Variants in FBXW4 observed in about 807,000 individuals in gnomAD.
FBXW4 encodes the protein F-box/WD repeat-containing protein 4.
A neutral mutation model predicts 61.8 loss-of-function variants in FBXW4; 40 were observed. That is an observed-to-expected ratio of 0.65 (90% CI 0.50 to 0.84). FBXW4 has a LOEUF of 0.84. Among genes scored for constraint, FBXW4 ranks in the 40% least tolerant of loss-of-function variants. The pLI is 0.00. For synonymous variants in FBXW4, 311 were observed against 313.8 expected (o/e 0.99, Z 0.10); for missense variants, 672 against 753.8 (o/e 0.89, Z 1.27).
chr10:101,636,447 A>G (rs966405400), intron 5 of FBXW4, among the ~76,000 whole-genome samples: 4 of 152,020 alleles, frequency 2.6e-5, no homozygotes, highest in African/African-American at 9.7e-5. Context: ...AACAAAGATA[A>G]TTACAAACAC....
intron 5 of FBXW4, among the ~76,000 whole-genome samples, chr10:101,658,374 G>A (rs368922465): frequency 1.3e-5 from 2 of 152,046 alleles, no homozygotes; most frequent in East Asian, 1.9e-4. Flanking sequence ...GTGAAACCCC[G>A]TCTCTACTAA....
At chr10:101,659,694 G>C (rs10786645) in intron 5 of FBXW4, among the ~76,000 whole-genome samples, 147,753 of 152,312 alleles carry the variant, frequency 0.97, 71,828 homozygotes, top group East Asian at 1. Flanking sequence ...TTGTAGTAGA[G>C]TTTCTTCTGA....
intron 6 of FBXW4, 25 bp from the exon 7 acceptor site, chr10:101,612,502 A>C (rs1377177820): frequency 1.3e-6 from 2 of 1,530,094 alleles, no homozygotes; most frequent in Non-Finnish European, 1.8e-6. Flanking sequence ...ACGGAGTGAG[A>C]GGCTGCTCCA....
At chr10:101,692,222 A>C (rs2064612179) in intron 1 of FBXW4, among the ~76,000 whole-genome samples, 2 of 151,862 alleles carry the variant, frequency 1.3e-5, no homozygotes, top group African/African-American at 4.8e-5. Flanking sequence ...TGGAAATGGA[A>C]AACTGTATCA....
chr10:101,660,061 C>T, intron 5 of FBXW4: 1 of 985,036 alleles, frequency 1.0e-6, no homozygotes, highest in Non-Finnish European at 1.2e-6. Context: ...TCCTACCTGC[C>T]CCATGGCCCA....
intron 5 of FBXW4, among the ~76,000 whole-genome samples, chr10:101,637,488 A>C (rs79878572): frequency 6.6e-6 from 1 of 150,736 alleles, no homozygotes; most frequent in African/African-American, 2.4e-5. Flanking sequence ...CGGGCAGATC[A>C]CTTGAGGCTA....
intron 5 of FBXW4, among the ~76,000 whole-genome samples, chr10:101,648,441 T>G (rs964471653): frequency 1.3e-5 from 2 of 152,188 alleles, no homozygotes; most frequent in Admixed American, 1.3e-4. Flanking sequence ...GGTAAGTCAC[T>G]TCCTTGAGCA....
chr10:101,624,598 G>C (rs2063892820), intron 6 of FBXW4, 147 bp downstream of exon 6: 3 of 732,330 alleles, frequency 4.1e-6, no homozygotes, highest in Non-Finnish European at 4.8e-6. Flanking sequence ...ATGATTCCAT[G>C]TGAGAAGGCA....
rs80131409 is a variant in FBXW4 at position 101,666,418 on chromosome 10, G to A, written c.1235+1468C>T. Among the ~76,000 whole-genome samples the A allele has an allele frequency of 9.3e-3, 1,420 of 152,206 alleles. 18 individuals are homozygous for A. The highest frequency in any genetic ancestry group is 0.011 in the Non-Finnish European group (760 of 67,988). On this transcript the variant is annotated intron_variant, in intron 5 of 8. Coordinates refer to ENST00000331272, the MANE Select transcript of FBXW4 (RefSeq NM_022039.4). ...CGTGGCTAATCGGCTCTAATTCTTA[G>A]AAAGAAAAAAAATTGAAAGGGAGTT...
At chr10:101,681,830 T>G (rs1270128197) in intron 1 of FBXW4, among the ~76,000 whole-genome samples, 1 of 151,772 alleles carries the variant, frequency 6.6e-6, no homozygotes, top group East Asian at 1.9e-4. Context: ...ACATAATTGT[T>G]GACAGTTATG....
intron 5 of FBXW4, among the ~76,000 whole-genome samples, chr10:101,629,142 A>G (rs1254500562): frequency 6.6e-5 from 10 of 152,270 alleles, no homozygotes; most frequent in Admixed American, 6.5e-4. Context: ...AAAGGCAGGT[A>G]GATTCCTCCT....
At chr10:101,637,668 C>A (rs541107394) in intron 5 of FBXW4, among the ~76,000 whole-genome samples, 22 of 144,206 alleles carry the variant, frequency 1.5e-4, no homozygotes, top group Non-Finnish European at 3.0e-4. Context: ...GCACTGTACT[C>A]CAGCCTGGGT....
chr10:101,621,912 C>T (rs939258196), intron 6 of FBXW4, among the ~76,000 whole-genome samples: 4 of 152,150 alleles, frequency 2.6e-5, no homozygotes, highest in African/African-American at 9.7e-5. Context: ...GTTCAACTTG[C>T]TTGTCTCTTG....
rs756892344 is a variant in FBXW4 at position 101,612,315 on chromosome 10, C to T, written c.1442+22G>A. 30 of 1,517,444 alleles carry T rather than the reference C, an allele frequency of 2.0e-5. No individual in the cohort carries two copies. In the East Asian group the frequency reaches 7.1e-4, roughly 36 times the overall value. The allele number at this position is 1,517,444 out of a possible 1,614,324, so 94.0% of individuals were successfully genotyped here. A position where few individuals can be genotyped will look rare whatever the true frequency, so the allele number is the denominator to read the frequency against. ...TTGGTGCAGGGCCCCCACCACCTGT[C>T]CTCCCTGCCCAGCACACTCACCGGA... On this transcript the variant is annotated intron_variant, in intron 7 of 8. Coordinates refer to ENST00000331272, the MANE Select transcript of FBXW4 (RefSeq NM_022039.4).
chr10:101,614,599 C>T (rs2134799650), intron 6 of FBXW4, among the ~76,000 whole-genome samples: 1 of 152,348 alleles, frequency 6.6e-6, no homozygotes. Context: ...CCCTGCTCTG[C>T]CCGCACAGCC....
Position 101,611,045 on chromosome 10 carries a change from G to T in FBXW4, c.*246C>A. On this transcript the variant is annotated 3_prime_UTR_variant, in exon 9 of 9. Transcript: ENST00000331272. This position sits in a 1 kb window ranked among gnomAD's most constrained non-coding sequence, Gnocchi z 4.9. ...CTGGCCAAACAGGGACGCAAGGCCC[G>T]GGTTCAGCCGCACTCTAAAGCAGCA... 2.4e-6 allele frequency: 1 copy of T among 420,650 alleles called. No individual in the cohort carries two copies. The highest frequency in any genetic ancestry group is 3.0e-5 in the South Asian group (1 of 33,784). 26.1% of individuals were successfully genotyped at this position (420,650 alleles called of 1,614,324 possible). A position where few individuals can be genotyped will look rare whatever the true frequency, so the allele number is the denominator to read the frequency against.
rs556008620 is a variant in FBXW4 at position 101,636,255 on chromosome 10, G to A, written c.1236-11445C>T. ...ACCACCTAACTACTCAGGAGGCTGA[G>A]ACAGGAGAATTGCTTGAACCCAGGA... is the stretch of plus-strand genomic sequence containing the variant. On this transcript the variant is annotated intron_variant, in intron 5 of 8. Transcript: ENST00000331272. Among the ~76,000 whole-genome samples, 10 of 152,122 alleles carry A rather than the reference G, an allele frequency of 6.6e-5. 1 individual carries two copies. Among genetic ancestry groups the A allele is most frequent in the African/African-American group, 2.4e-4 (10 of 41,514 alleles).
intron 5 of FBXW4, among the ~76,000 whole-genome samples, chr10:101,633,523 C>A (rs1262040711): frequency 6.6e-6 from 1 of 152,082 alleles, no homozygotes; most frequent in African/African-American, 2.4e-5. Flanking sequence ...GTACAGCAAA[C>A]CATCATGGCA....
At chr10:101,648,925 C>CT (rs759564443) in intron 5 of FBXW4, among the ~76,000 whole-genome samples, 13 of 152,298 alleles carry the variant, frequency 8.5e-5, no homozygotes, top group Non-Finnish European at 1.5e-4. Flanking sequence ...AATGAGGCTT[C>CT]TAAGTGCCCT....
Sources: gnomAD v4.1 joint callset for allele counts (sites outside exome capture counted in the v4.1 genomes callset) on GRCh38, gnomAD v4.1.1 for gene constraint, Gnocchi (gnomAD v3.1) non-coding constraint, MANE v1.5 for transcripts, NCBI Gene and HGNC (gene_info 2026-07-23, HGNC 2026-07-21) for gene names.